The following SORCS1 variants were observed in gnomAD, a reference collection of about 807,000 sequenced individuals.
The protein encoded by SORCS1 is sortilin related VPS10 domain containing receptor 1, also known as VPS10 domain-containing receptor SorCS1.
A neutral mutation model predicts 146.1 loss-of-function variants in SORCS1; 60 were observed. The ratio of observed to expected loss-of-function variants is 0.41; its 90% CI spans 0.33 to 0.51. SORCS1 has a LOEUF of 0.51. Among genes scored for constraint, SORCS1 ranks in the 20% least tolerant of loss-of-function variants. The pLI, the probability that SORCS1 is intolerant of heterozygous loss-of-function variation, is 0.21. For synonymous variants in SORCS1, 637 were observed against 584.0 expected, an observed-to-expected ratio of 1.09 and a Z score of -1.31; for missense variants, 1,352 against 1,487.6, an observed-to-expected ratio of 0.91 and a Z score of 1.50.
intron 24 of SORCS1, among the ~76,000 whole-genome samples, chr10:106,593,940 GAAAA>G (rs1845760014): frequency 6.6e-6 from 1 of 152,134 alleles, no homozygotes; most frequent in South Asian, 2.1e-4. Flanking sequence ...CCTAGTTATA[GAAAA>G]AACTACAAAC....
Position 106,671,377 on chromosome 10 carries a change from G to A in SORCS1, c.2059-10C>T. On this transcript the variant is annotated splice_polypyrimidine_tract_variant and intron_variant, in intron 15 of 25. Transcript: ENST00000263054. ...TGATACATGCTTCCCCCTGTAAGCA[G>A]AGAAGGATCACAGATACTTGGGCAC... 1.9e-6 allele frequency: 3 copies of A among 1,613,946 alleles called. No homozygotes were observed. The highest frequency in any genetic ancestry group is 2.5e-6 in the Non-Finnish European group (3 of 1,179,920).
In SORCS1 at chr10:107,164,697, C is replaced by G. The variant is rs2134968391; in HGVS notation, c.-171G>C. Among the ~76,000 whole-genome samples the G allele has an allele frequency of 6.7e-6, 1 of 150,220 alleles. No homozygotes were observed. Among genetic ancestry groups the G allele is most frequent in the African/African-American group, 2.4e-5 (1 of 41,146 alleles). ...GGCAGGTGGCGGCCGCTTGCCCGGG[C>G]TGGGCTTGTGCCGAGCGCGGGTCCG... is the stretch of plus-strand genomic sequence containing the variant. On this transcript the variant is annotated 5_prime_UTR_variant, in exon 1 of 26. Transcript: ENST00000263054. The surrounding 1 kb of genome is among the most constrained non-coding windows in gnomAD (Gnocchi z 6.8).
intron 21 of SORCS1, among the ~76,000 whole-genome samples, chr10:106,614,337 CA>C (rs1240805068): frequency 1.3e-5 from 2 of 152,204 alleles, no homozygotes; most frequent in Non-Finnish European, 2.9e-5. Context: ...TCAGGAAGCA[CA>C]AAAGTTCACT....
At chr10:106,967,382 CTAAAT>C (rs1199692395) in intron 1 of SORCS1, among the ~76,000 whole-genome samples, 7 of 151,788 alleles carry the variant, frequency 4.6e-5, no homozygotes, top group Non-Finnish European at 1.0e-4. Flanking sequence ...AAGGGAGATG[CTAAAT>C]TAAATATTTT....
At chr10:107,011,267 G>A (rs576437714) in intron 1 of SORCS1, among the ~76,000 whole-genome samples, 12 of 152,242 alleles carry the variant, frequency 7.9e-5, no homozygotes, top group African/African-American at 2.2e-4. Flanking sequence ...TTGTCAGTTC[G>A]TATTCCTTAA....
At chr10:106,907,096 A>G (rs1028600661) in intron 2 of SORCS1, among the ~76,000 whole-genome samples, 4 of 152,216 alleles carry the variant, frequency 2.6e-5, no homozygotes, top group African/African-American at 9.6e-5. Flanking sequence ...CAGTAGATGC[A>G]TATTTAGTGC....
chr10:106,713,328 T>C (rs1216166722), intron 6 of SORCS1, among the ~76,000 whole-genome samples: 1 of 152,210 alleles, frequency 6.6e-6, no homozygotes, highest in African/African-American at 2.4e-5. Flanking sequence ...GGTCTTGACC[T>C]TCAAATTACA....
At chr10:106,657,651 A>G (rs1454128096) in intron 17 of SORCS1, among the ~76,000 whole-genome samples, 1 of 108,410 alleles carries the variant, frequency 9.2e-6, no homozygotes, top group Non-Finnish European at 1.8e-5. Context: ...TCAAAAATAT[A>G]TAACACTATA....
At chr10:107,011,701 T>C (rs951443610) in intron 1 of SORCS1, among the ~76,000 whole-genome samples, 20 of 152,314 alleles carry the variant, frequency 1.3e-4, no homozygotes, top group African/African-American at 4.6e-4. Flanking sequence ...ACAGAATGTT[T>C]CACCTTCTCC....
chr10:106,596,887 G>T (rs1436979501), intron 24 of SORCS1, among the ~76,000 whole-genome samples: 3 of 152,046 alleles, frequency 2.0e-5, no homozygotes, highest in Non-Finnish European at 4.4e-5. Context: ...CTTCTCACTG[G>T]GTCACCCAGG....
At chr10:106,875,727 A>G (rs1241889720) in intron 2 of SORCS1, among the ~76,000 whole-genome samples, 1 of 151,982 alleles carries the variant, frequency 6.6e-6, no homozygotes, top group Non-Finnish European at 1.5e-5. Flanking sequence ...GCATTTTTTC[A>G]TGTTTATTAG....
chr10:107,061,157 C>T (rs374484030), intron 1 of SORCS1, among the ~76,000 whole-genome samples: 25 of 152,112 alleles, frequency 1.6e-4, no homozygotes, highest in African/African-American at 4.6e-4. Context: ...TGGTGTTTAA[C>T]GAGAATTTTT....
Position 106,672,816 on chromosome 10 carries a change from A to G in SORCS1, c.2058+52T>C. On this transcript the variant is annotated intron_variant, in intron 15 of 25. Transcript: ENST00000263054. ...TACCTTAGCAACTAGCTTTCCCCCAACACCACTCATGCTTCCTGCCCAGGC... is the reference window on the plus strand; with the variant it reads ...TACCTTAGCAACTAGCTTTCCCCCAGCACCACTCATGCTTCCTGCCCAGGC... 4 of 1,497,990 alleles carry G rather than the reference A, an allele frequency of 2.7e-6. No homozygotes were observed. The African/African-American group carries it at 5.5e-5, about 21-fold the overall frequency. 92.8% of individuals were successfully genotyped at this position (1,497,990 alleles called of 1,614,324 possible). A position where few individuals can be genotyped will look rare whatever the true frequency, so the allele number is the denominator to read the frequency against.
At chr10:106,913,040 G>A (rs976077199) in intron 2 of SORCS1, among the ~76,000 whole-genome samples, 2 of 151,256 alleles carry the variant, frequency 1.3e-5, no homozygotes, top group Non-Finnish European at 2.9e-5. Flanking sequence ...CAGATCGTGA[G>A]CCTGTGTGAT....
At chr10:106,912,112 C>CA (rs369514401) in intron 2 of SORCS1, among the ~76,000 whole-genome samples, 41,752 of 121,772 alleles carry the variant, frequency 0.34, 7,039 homozygotes, top group East Asian at 0.42. Context: ...GCCTCCGTCT[C>CA]AAAAAAAAAA....
intron 3 of SORCS1, among the ~76,000 whole-genome samples, chr10:106,820,980 A>G (rs1841651997): frequency 6.6e-6 from 1 of 152,254 alleles, no homozygotes; most frequent in Non-Finnish European, 1.5e-5. Flanking sequence ...AGAGAACATG[A>G]GCTCTAATAA....
chr10:106,641,083 A>G (rs1849042431), intron 18 of SORCS1, among the ~76,000 whole-genome samples: 1 of 152,206 alleles, frequency 6.6e-6, no homozygotes, highest in Non-Finnish European at 1.5e-5. Flanking sequence ...AGGTTCTGTC[A>G]TGAGAGTACA....
At chr10:106,995,435 G>A (rs955390081) in intron 1 of SORCS1, among the ~76,000 whole-genome samples, 4 of 152,126 alleles carry the variant, frequency 2.6e-5, no homozygotes, top group African/African-American at 9.7e-5. Flanking sequence ...GATTTGTTCA[G>A]CAGGTTGTAT....
intron 2 of SORCS1, among the ~76,000 whole-genome samples, chr10:106,931,009 C>T (rs1057376510): frequency 6.6e-6 from 1 of 152,062 alleles, no homozygotes; most frequent in African/African-American, 2.4e-5. Context: ...TTTTATAATC[C>T]CCACCAATTA....
Sources: gnomAD v4.1 joint callset for allele counts (sites outside exome capture counted in the v4.1 genomes callset) on GRCh38, gnomAD v4.1.1 for gene constraint, Gnocchi (gnomAD v3.1) non-coding constraint, MANE v1.5 for transcripts, NCBI Gene and HGNC (gene_info 2026-07-23, HGNC 2026-07-21) for gene names.